Variants in PPOX observed in about 807,000 individuals in gnomAD.
PPOX encodes the protein variegate porphyria.
PPOX carries 23 observed loss-of-function variants against 54.1 expected under a neutral mutation model. The observed-to-expected ratio is 0.43, with a 90% CI of 0.31 to 0.60. PPOX has a LOEUF of 0.60. Ranked by LOEUF, PPOX falls within the 20% of genes least tolerant of loss-of-function variation. The pLI, the probability that PPOX is intolerant of heterozygous loss-of-function variation, is 0.13. For synonymous variants in PPOX, 224 were observed against 236.1 expected, an observed-to-expected ratio of 0.95 and a Z score of 0.47; for missense variants, 512 against 601.1, an observed-to-expected ratio of 0.85 and a Z score of 1.55.
rs1291781673 is a variant in PPOX at position 161,176,565 on chromosome 1, C to A, written c.373-284C>A. ...AAGGCTCCATCCAGCACTCCAGCAGCGAATCTGGGACCAGCTGGAACAGAA... is the reference window on the plus strand; with the variant it reads ...AAGGCTCCATCCAGCACTCCAGCAGAGAATCTGGGACCAGCTGGAACAGAA... On this transcript the variant is annotated intron_variant, in intron 4 of 4. Coordinates refer to the PPOX transcript ENST00000497522. 1.5e-5 allele frequency: 7 copies of A among 482,068 alleles called. No homozygotes were observed. The East Asian group carries it at 2.6e-4, about 18-fold the overall frequency. The allele number at this position is 482,068 out of a possible 1,614,324, so 29.9% of individuals were successfully genotyped here. A position where few individuals can be genotyped will look rare whatever the true frequency, so the allele number is the denominator to read the frequency against.
At chr1:161,168,279 A>T in intron 5 of PPOX, 152 bp downstream of exon 5, 2 of 1,539,270 alleles carry the variant, frequency 1.3e-6, no homozygotes, top group Non-Finnish European at 9.0e-7. Context: ...AAAACTCATT[A>T]TTGGGAGTGA....
downstream of PPOX, chr1:161,175,293 T>C (rs1663084107): frequency 7.0e-7 from 1 of 1,429,924 alleles, no homozygotes; most frequent in Non-Finnish European, 9.7e-7. Context: ...AAACTAGGGT[T>C]TGGGAATACC....
In PPOX at chr1:161,167,523, C is replaced by T. The variant is rs200179121; in HGVS notation, c.338+37C>T. On this transcript the variant is annotated intron_variant, in intron 4 of 12. Coordinates refer to ENST00000367999, the MANE Select transcript of PPOX (RefSeq NM_001122764.3). ...ACCTCCGCTCCTTTTACTGTGCCCTCATCCTCATATGCCTTCCATTTCTTT... is the reference window on the plus strand; with the variant it reads ...ACCTCCGCTCCTTTTACTGTGCCCTTATCCTCATATGCCTTCCATTTCTTT... 8.1e-5 allele frequency: 118 copies of T among 1,456,356 alleles called. No homozygotes were observed. In the East Asian group the frequency reaches 2.6e-3, roughly 32 times the overall value. 90.2% of individuals were successfully genotyped at this position (1,456,356 alleles called of 1,614,324 possible).
At chr1:161,175,763 C>T (rs1663269097), downstream of PPOX, 6 of 1,602,420 alleles carry the variant, frequency 3.7e-6, no homozygotes, top group Non-Finnish European at 5.1e-6. Flanking sequence ...TCCCTGTCTC[C>T]GCACCTTGTC....
At chr1:161,167,565 T>C (rs1468025534) in intron 4 of PPOX, 79 bp downstream of exon 4, 1,468 of 1,366,900 alleles carry the variant, frequency 1.1e-3, no homozygotes, top group Non-Finnish European at 1.3e-3. Context: ...TTCTTTTTTT[T>C]TTTTTTTTTT....
At chr1:161,172,347 G>A (rs374576177), downstream of PPOX, 65 of 1,603,760 alleles carry the variant, frequency 4.1e-5, no homozygotes, top group Non-Finnish European at 5.4e-5. Flanking sequence ...GGAAAAGTGA[G>A]GGTATCATGG....
At chr1:161,177,063 C>G, downstream of PPOX, 1 of 1,535,802 alleles carries the variant, frequency 6.5e-7, no homozygotes, top group Non-Finnish European at 8.7e-7. Context: ...TCTACCTTTT[C>G]TACCTTTCCC....
At position 161,168,075 on chromosome 1, in the gene PPOX, A is replaced by G. The variant is rs763874480; in HGVS notation, c.419A>G (p.Lys140Arg). 9.3e-6 allele frequency: 15 copies of G among 1,614,002 alleles called. No homozygotes were observed. Among genetic ancestry groups the G allele is most frequent in the Non-Finnish European group, 1.2e-5 (14 of 1,180,030 alleles). The change falls in exon 5 of 13, where the codon AAA becomes AGA. Residue 140 changes from lysine (K) to arginine (R), a missense_variant. Lys to Arg is a conservative substitution (Grantham distance 26, BLOSUM62 2). Transcript: ENST00000367999. ...GLRELTKPRG[K>R]EPDETVHSFA... ...AGGGAGCTGACCAAGCCCCGGGGCA[A>G]AGAGCCTGATGAGACTGTGCACAGT... is the stretch of plus-strand genomic sequence containing the variant.
downstream of PPOX, among the ~76,000 whole-genome samples, chr1:161,173,446 G>A (rs1662248982): frequency 6.6e-6 from 1 of 152,186 alleles, no homozygotes; most frequent in Non-Finnish European, 1.5e-5. Context: ...TAGCATGCAA[G>A]CCTGACCTGG....
intron 7 of PPOX, 30 bp downstream of exon 7, chr1:161,169,213 T>A (rs760894825): frequency 6.2e-7 from 1 of 1,609,940 alleles, no homozygotes; most frequent in South Asian, 1.1e-5. Flanking sequence ...GTAATGAACC[T>A]GTCAGTGTTT....
At chr1:161,172,106 G>A (rs748398250), downstream of PPOX, 2 of 1,612,974 alleles carry the variant, frequency 1.2e-6, no homozygotes, top group Non-Finnish European at 1.7e-6. Flanking sequence ...GTTAGAGGTT[G>A]GAGACTAAGA....
upstream of PPOX, chr1:161,166,013 C>T (rs1416142606): frequency 4.6e-6 from 4 of 866,138 alleles, no homozygotes; most frequent in Non-Finnish European, 5.5e-6. Flanking sequence ...GGTACGTTGC[C>T]GGGCGGCCCT....
At chr1:161,165,995 A>G, upstream of PPOX, 1 of 739,034 alleles carries the variant, frequency 1.4e-6, no homozygotes, top group Non-Finnish European at 1.7e-6. Context: ...CACTGTTGAC[A>G]AACACTGGGT....
rs1659020122 is a variant in PPOX at position 161,166,673 on chromosome 1, G to A, written c.-9+1G>A. 3 of 1,502,264 alleles carry A rather than the reference G, an allele frequency of 2.0e-6. No homozygotes were observed. The highest frequency in any genetic ancestry group is 2.7e-6 in the Non-Finnish European group (3 of 1,129,100). 93.1% of individuals were successfully genotyped at this position (1,502,264 alleles called of 1,614,324 possible). ...TTTCTCTCATCCCTACCTATTGTGG[G>A]TGAGTCCTGGCCCCTGGACGGGGAC... On this transcript the variant is annotated splice_donor_variant, in intron 1 of 12. Transcript: ENST00000367999. LOFTEE classifies it low-confidence loss of function (5UTR_SPLICE).
At chr1:161,173,144 T>G (rs551458280), downstream of PPOX, among the ~76,000 whole-genome samples, 1 of 152,132 alleles carries the variant, frequency 6.6e-6, no homozygotes, top group South Asian at 2.1e-4. Flanking sequence ...ACCACAGACA[T>G]GAAATTGGGT....
chr1:161,174,096 G>A, downstream of PPOX: 1 of 1,581,930 alleles, frequency 6.3e-7, no homozygotes, highest in Non-Finnish European at 8.6e-7. Context: ...AGGTGGCACG[G>A]AGAAAAGGGG....
downstream of PPOX, chr1:161,172,023 C>T (rs1308943559): frequency 6.2e-7 from 1 of 1,614,192 alleles, no homozygotes; most frequent in Admixed American, 1.7e-5. Flanking sequence ...GAGCCAGCAA[C>T]TGGTATGTCA....
At chr1:161,169,296 G>A in intron 7 of PPOX, 113 bp downstream of exon 7, 2 of 1,309,036 alleles carry the variant, frequency 1.5e-6, no homozygotes, top group South Asian at 1.2e-5. Flanking sequence ...TTGTGCCTTA[G>A]AAGCTACTTA....
At chr1:161,167,905 A>C in intron 4 of PPOX, 90 bp from the exon 5 acceptor site, 1 of 1,595,594 alleles carries the variant, frequency 6.3e-7, no homozygotes, top group Non-Finnish European at 8.6e-7. Flanking sequence ...TCCCAGCAAA[A>C]GGAAGCCAAA....
Sources: gnomAD v4.1 joint callset for allele counts (sites outside exome capture counted in the v4.1 genomes callset) on GRCh38, gnomAD v4.1.1 for gene constraint, MANE v1.5 for transcripts, NCBI Gene and HGNC (gene_info 2026-07-23, HGNC 2026-07-21) for gene names.